The following DNPEP variants were observed in gnomAD, a reference collection of about 807,000 sequenced individuals.
DNPEP encodes aspartyl aminopeptidase.
Under a neutral mutation model 59.1 loss-of-function variants are expected in DNPEP, and 46 were observed. The ratio of observed to expected loss-of-function variants is 0.78; its 90% CI spans 0.61 to 0.99. The LOEUF is 0.99. DNPEP is among the 50% of genes least tolerant of loss of function. The pLI is 0.00. For missense variants in DNPEP, 617 were observed against 649.9 expected, an observed-to-expected ratio of 0.95 and a Z score of 0.55; for synonymous variants, 229 against 242.2, an observed-to-expected ratio of 0.95 and a Z score of 0.50.
At chr2:219,397,036 G>A (rs1219831265) in intron 1 of DNPEP, among the ~76,000 whole-genome samples, 1 of 152,196 alleles carries the variant, frequency 6.6e-6, no homozygotes, top group Non-Finnish European at 1.5e-5. Context: ...CTTCACAAAG[G>A]TCTTAAGATG....
chr2:219,385,407 C>T lies in DNPEP; in HGVS notation c.774+17G>A. The T allele has an allele frequency of 6.3e-7, 1 of 1,588,000 alleles. No homozygotes were observed. Among genetic ancestry groups the T allele is most frequent in the Non-Finnish European group, 8.6e-7 (1 of 1,157,226 alleles). On this transcript the variant is annotated intron_variant, in intron 8 of 14. Transcript: ENST00000273075. ...CTGGAGGCCCTTCACCCACAGGTTC[C>T]TACAGCCAGTCCTCACCGCAGGCTG...
In DNPEP at chr2:219,387,095, C is replaced by G; in HGVS notation, c.105G>C (p.Val35=). 1 of 1,593,234 alleles carries G rather than the reference C, an allele frequency of 6.3e-7. No homozygotes were observed. The highest frequency in any genetic ancestry group is 8.6e-7 in the Non-Finnish European group (1 of 1,168,822). Residue 35 remains valine, a synonymous_variant, in exon 2 of 15, where the codon GTG becomes GTC. Transcript: ENST00000273075. ...CATGGAAAGGAGAGGGACTCCGGTT[C>G]ACGAACTTGAGGAGTTCCTTAGCCG... is the stretch of plus-strand genomic sequence containing the variant. ...QTAAKELLKF[V]NRSPSPFHAV...
rs761561154 is a variant in DNPEP at position 219,372,369 on chromosome 2, A to G, written c.*1923T>C. On this transcript the variant is annotated 3_prime_UTR_variant, in exon 15 of 15. Coordinates refer to ENST00000273075, the MANE Select transcript of DNPEP (RefSeq NM_012100.4). ...TATTTATATACACATAAAAATATAT[A>G]ATAATTTTTTTTTTGAGACGGAGTC... Among the ~76,000 whole-genome samples the G allele has an allele frequency of 3.3e-5, 5 of 151,980 alleles. No homozygotes were observed. Among genetic ancestry groups the G allele is most frequent in the Non-Finnish European group, 5.9e-5 (4 of 67,998 alleles).
intron 14 of DNPEP, among the ~76,000 whole-genome samples, chr2:219,374,583 C>G (rs961240567): frequency 6.6e-6 from 1 of 152,100 alleles, no homozygotes; most frequent in African/African-American, 2.4e-5. Flanking sequence ...TCTCTTTTTT[C>G]TCTTTTGTAG....
chr2:219,395,298 C>T (rs905252766), intron 1 of DNPEP, among the ~76,000 whole-genome samples: 6 of 152,282 alleles, frequency 3.9e-5, no homozygotes, highest in Admixed American at 6.5e-5. Context: ...CCAGTGGTGG[C>T]GAGCTGGACA....
rs763431791 is a variant in DNPEP at position 219,385,687 on chromosome 2, C to T, written c.610G>A (p.Ala204Thr). 15 of 1,606,608 alleles carry T rather than the reference C, an allele frequency of 9.3e-6. No individual in the cohort carries two copies. Among genetic ancestry groups the T allele is most frequent in the Non-Finnish European group, 1.3e-5 (15 of 1,176,180 alleles). The change falls in exon 7 of 15, where the codon GCC becomes ACC. Residue 204 changes from alanine (A) to threonine (T), a missense_variant. By Grantham distance (58) the Ala-to-Thr change is moderately conservative. Coordinates refer to ENST00000273075, the MANE Select transcript of DNPEP (RefSeq NM_012100.4). The part of the protein sequence containing the change: ...EMHLVPILAT[A>T]IQEELEKGTP... ...CCCTTCTCCAGCTCCTCCTGGATGG[C>T]TGTGGCAAGAATGGGGACTCTGTGG... is the stretch of plus-strand genomic sequence containing the variant.
chr2:219,383,388 G>A (rs1483507710), intron 9 of DNPEP, among the ~76,000 whole-genome samples, 174 bp from the exon 10 acceptor site: 3 of 152,208 alleles, frequency 2.0e-5, no homozygotes, highest in Admixed American at 6.5e-5. Flanking sequence ...GCCTGGCAGA[G>A]GGTGTGGTGG....
chr2:219,388,139 TGCCCCTCGCAGGGCTGCACCGCCCGCCCC>T (rs1331304048), upstream of DNPEP: 6 of 143,842 alleles, frequency 4.2e-5, no homozygotes, highest in Admixed American at 5.1e-4. Flanking sequence ...CCGCCCGCCC[TGCCCCTCGCAGGGCTGCACCGCCCGCCCC>T]GCCCCTCGTC....
At chr2:219,385,366 A>C in intron 8 of DNPEP, 58 bp downstream of exon 8, 1 of 1,203,388 alleles carries the variant, frequency 8.3e-7, no homozygotes, top group Non-Finnish European at 1.2e-6. Flanking sequence ...AGGACGGGCT[A>C]GGGGTGGCCA....
upstream of DNPEP, among the ~76,000 whole-genome samples, chr2:219,392,654 A>G (rs1265118286): frequency 1.3e-5 from 2 of 152,138 alleles, no homozygotes; most frequent in Non-Finnish European, 2.9e-5. Context: ...GATTACAAGC[A>G]CGCATCACCA....
Position 219,375,174 on chromosome 2 carries a change from A to G in DNPEP, c.1240-152T>C. ...AGCCAATGCTAAATGGCAGACCCCA[A>G]AGGACAATATATTCTGAATTGGTCC... On this transcript the variant is annotated intron_variant, in intron 13 of 14. Transcript: ENST00000273075. The G allele has an allele frequency of 3.9e-6, 3 of 770,344 alleles. No homozygotes were observed. The South Asian group carries it at 5.3e-5, about 14-fold the overall frequency. The allele number at this position is 770,344 out of a possible 1,614,324, so 47.7% of individuals were successfully genotyped here.
Position 219,386,668 on chromosome 2 carries a change from G to GTTCCAC in DNPEP, c.329_330insGTGGAA (p.Leu110_Arg111insTrpAsn), listed in dbSNP as rs1953852880. 6.2e-7 allele frequency: 1 copy of GTTCCAC among 1,610,892 alleles called. No individual in the cohort carries two copies. The highest frequency in any genetic ancestry group is 1.1e-5 in the South Asian group (1 of 90,216). On this transcript the variant is annotated inframe_insertion, in exon 4 of 15. Coordinates refer to ENST00000273075, the MANE Select transcript of DNPEP (RefSeq NM_012100.4). ...CAACACCGTCCGAGTTCCTTACCCG[G>GTTCCAC]AGGCAGGGGCTGTCCGTGTGGGCCC...
intron 13 of DNPEP, among the ~76,000 whole-genome samples, chr2:219,378,865 A>AATG (rs78115359): frequency 0.99 from 150,528 of 152,310 alleles, 74,412 homozygotes; most frequent in East Asian, 1. Context: ...AATACCTAAG[A>AATG]ATAATAAATG....
chr2:219,395,476 G>A (rs765798095), intron 1 of DNPEP, among the ~76,000 whole-genome samples: 38 of 152,174 alleles, frequency 2.5e-4, no homozygotes, highest in Non-Finnish European at 3.7e-4. Context: ...CATAGATGAG[G>A]ATCTCTAGGT....
chr2:219,375,314 G>GA (rs1321333367), intron 13 of DNPEP, among the ~76,000 whole-genome samples: 4 of 151,728 alleles, frequency 2.6e-5, no homozygotes, highest in East Asian at 1.9e-4. Context: ...CACACTCACA[G>GA]AAAAAAATCA....
At chr2:219,386,823 C>A (rs375941202) in intron 3 of DNPEP, 45 bp from the exon 4 acceptor site, 4 of 1,609,838 alleles carry the variant, frequency 2.5e-6, no homozygotes, top group Non-Finnish European at 2.6e-6. Context: ...TTGCATTACT[C>A]AGCTGGCACA....
intron 1 of DNPEP, chr2:219,399,834 G>C (rs756608613): frequency 8.4e-6 from 13 of 1,540,688 alleles, no homozygotes; most frequent in Non-Finnish European, 9.7e-6. Flanking sequence ...GTCTGCACTG[G>C]CTGGCCACAG....
rs192531903 is a variant in DNPEP, at chr2:219,372,734, T to C, written c.*1558A>G. The stretch of plus-strand genomic sequence containing the variant: ...GCAACCTGCCTTTTCTACTCAACAA[T>C]GTCTTTGTAATCTCTTCATGTTAGT... On this transcript the variant is annotated 3_prime_UTR_variant, in exon 15 of 15. Transcript: ENST00000273075. Among the ~76,000 whole-genome samples the C allele has an allele frequency of 6.6e-6, 1 of 152,300 alleles. No homozygotes were observed. The highest frequency in any genetic ancestry group is 6.5e-5 in the Admixed American group (1 of 15,294).
chr2:219,388,918 G>C (rs1345476113), upstream of DNPEP: 2 of 974,924 alleles, frequency 2.1e-6, no homozygotes, highest in African/African-American at 3.5e-5. Context: ...CTGAGATACG[G>C]AGACTAGTGA....
Sources: allele counts gnomAD v4.1 joint callset (sites outside exome capture counted in the v4.1 genomes callset), GRCh38; gene constraint gnomAD v4.1.1; transcripts MANE v1.5; gene names NCBI Gene and HGNC (gene_info 2026-07-23, HGNC 2026-07-21).